CCDC146: variants seen among roughly 807,000 people sequenced by gnomAD.
CCDC146 encodes coiled-coil domain-containing protein 146.
CCDC146 carries 92 observed loss-of-function variants against 119.3 expected under a neutral mutation model. That is an observed-to-expected ratio of 0.77 (90% CI 0.65 to 0.92). The LOEUF is 0.92. Among genes scored for constraint, CCDC146 ranks in the 40% least tolerant of loss-of-function variants. The pLI is 0.00. For synonymous variants in CCDC146, 372 were observed against 371.8 expected, an observed-to-expected ratio of 1.00 and a Z score of -0.01; for missense variants, 1,000 against 1,103.0, an observed-to-expected ratio of 0.91 and a Z score of 1.32.
chr7:77,216,154 CA>C (rs1364627154), intron 2 of CCDC146, among the ~76,000 whole-genome samples: 1 of 151,748 alleles, frequency 6.6e-6, no homozygotes, highest in Non-Finnish European at 1.5e-5. Flanking sequence ...ATATTCATAC[CA>C]TTATATAATG....
chr7:77,234,170 T>C (rs1450432890), intron 2 of CCDC146, among the ~76,000 whole-genome samples: 1 of 152,120 alleles, frequency 6.6e-6, no homozygotes, highest in Non-Finnish European at 1.5e-5. Flanking sequence ...CCCATATACA[T>C]ACAAACACAC....
chr7:77,185,457 T>G (rs1791652611), intron 2 of CCDC146, among the ~76,000 whole-genome samples: 1 of 152,210 alleles, frequency 6.6e-6, no homozygotes, highest in African/African-American at 2.4e-5. Flanking sequence ...TCTTGAACTG[T>G]AGATAAGAAC....
At chr7:77,222,670 A>G (rs1392558406) in intron 2 of CCDC146, among the ~76,000 whole-genome samples, 1 of 152,214 alleles carries the variant, frequency 6.6e-6, no homozygotes, top group African/African-American at 2.4e-5. Flanking sequence ...TCTGTGATCA[A>G]CAAAGTGAGG....
chr7:77,210,663 T>C (rs887725750), intron 2 of CCDC146, among the ~76,000 whole-genome samples: 3 of 152,192 alleles, frequency 2.0e-5, no homozygotes, highest in African/African-American at 7.2e-5. Context: ...CATTCTCACA[T>C]TGCTATGAAG....
chr7:77,156,883 G>A (rs1791185903), intron 1 of CCDC146, among the ~76,000 whole-genome samples: 1 of 150,602 alleles, frequency 6.6e-6, no homozygotes, highest in African/African-American at 2.5e-5. Flanking sequence ...GACTTTTTAT[G>A]TTATCTCCAA....
chr7:77,151,110 C>T (rs1413581212), intron 1 of CCDC146, among the ~76,000 whole-genome samples: 3 of 152,162 alleles, frequency 2.0e-5, no homozygotes, highest in East Asian at 3.8e-4. Context: ...TCTTCCAGGT[C>T]GCAGACTGCC....
intron 2 of CCDC146, chr7:77,199,893 G>C: frequency 7.1e-7 from 1 of 1,409,736 alleles, no homozygotes; most frequent in Non-Finnish European, 9.5e-7. Context: ...CCAGGAAAGG[G>C]TGGGAGCGTT....
intron 2 of CCDC146, among the ~76,000 whole-genome samples, chr7:77,214,873 C>G (rs545111348): frequency 3.2e-4 from 48 of 152,222 alleles, no homozygotes; most frequent in African/African-American, 1.1e-3. Flanking sequence ...TGGGATGCCT[C>G]TTGGTTGCAT....
intron 2 of CCDC146, chr7:77,199,842 C>T: frequency 6.4e-7 from 1 of 1,561,300 alleles, no homozygotes. Flanking sequence ...GCTGGAGCTG[C>T]TTTAATAGCG....
At chr7:77,288,899 C>A (rs17151087) in intron 17 of CCDC146, among the ~76,000 whole-genome samples, 36,417 of 152,112 alleles carry the variant, frequency 0.24, 5,158 homozygotes, top group African/African-American at 0.38. Flanking sequence ...GATGAGTAAT[C>A]ATCAGTTCTG....
chr7:77,139,660 G>T (rs1201516282), intron 1 of CCDC146, among the ~76,000 whole-genome samples: 1 of 152,000 alleles, frequency 6.6e-6, no homozygotes, highest in Non-Finnish European at 1.5e-5. Flanking sequence ...TCTCAATGTT[G>T]CTATGAATCT....
chr7:77,125,757 T>G (rs1426222209), intron 1 of CCDC146, among the ~76,000 whole-genome samples: 1 of 152,096 alleles, frequency 6.6e-6, no homozygotes, highest in Non-Finnish European at 1.5e-5. Flanking sequence ...AATTTAACTT[T>G]CTGAATTATA....
chr7:77,251,607 G>A (rs1793061512), intron 4 of CCDC146, among the ~76,000 whole-genome samples: 1 of 152,112 alleles, frequency 6.6e-6, no homozygotes, highest in South Asian at 2.1e-4. Context: ...ATGGTGGTAA[G>A]GTGTGGAGGG....
intron 4 of CCDC146, among the ~76,000 whole-genome samples, chr7:77,248,771 G>A (rs1200981338): frequency 1.3e-5 from 2 of 152,210 alleles, no homozygotes; most frequent in African/African-American, 4.8e-5. Flanking sequence ...GAACATTCAA[G>A]CTATTTGAAG....
chr7:77,185,301 T>A (rs1337908616), intron 2 of CCDC146, among the ~76,000 whole-genome samples: 4 of 152,118 alleles, frequency 2.6e-5, no homozygotes, highest in Non-Finnish European at 5.9e-5. Context: ...CTGAAAAAAA[T>A]ATATTACATT....
intron 2 of CCDC146, chr7:77,195,360 T>C (rs1791847574): frequency 6.6e-6 from 1 of 152,230 alleles, no homozygotes; most frequent in South Asian, 2.1e-4. Flanking sequence ...GCTTTCTGAA[T>C]GCTTTTTGGG....
At chr7:77,294,484 G>GTGTGTC (rs1235317535) in intron 18 of CCDC146, among the ~76,000 whole-genome samples, 179 bp from the exon 19 acceptor site, 1 of 150,818 alleles carries the variant, frequency 6.6e-6, no homozygotes, top group Non-Finnish European at 1.5e-5. Context: ...GTGTGTGTGT[G>GTGTGTC]TGTGTGTGTG....
At chr7:77,187,900 T>C (rs1033926811) in intron 2 of CCDC146, among the ~76,000 whole-genome samples, 2 of 152,024 alleles carry the variant, frequency 1.3e-5, no homozygotes, top group African/African-American at 4.8e-5. Context: ...ACATTTGATG[T>C]ATACCTAACT....
intron 1 of CCDC146, among the ~76,000 whole-genome samples, chr7:77,143,073 C>T (rs1320801639): frequency 6.6e-6 from 1 of 151,734 alleles, no homozygotes; most frequent in Non-Finnish European, 1.5e-5. Flanking sequence ...CTCTCCAGCA[C>T]CTGTTGTTTC....
Sources: allele counts gnomAD v4.1 joint callset (sites outside exome capture counted in the v4.1 genomes callset), GRCh38; gene constraint gnomAD v4.1.1; transcripts MANE v1.5; gene names NCBI Gene and HGNC (gene_info 2026-07-23, HGNC 2026-07-21).